Variants in SMIM13 observed in about 807,000 individuals in gnomAD.
SMIM13 encodes UPF0766 protein C6orf228.
In SMIM13, 3 loss-of-function variants were observed where a neutral mutation model predicts 5.9. The observed-to-expected ratio is 0.51, with a 90% CI of 0.23 to 1.31. The LOEUF (loss-of-function observed/expected upper bound fraction) is 1.31. Among genes scored for constraint, SMIM13 ranks in the 40% most tolerant of loss-of-function variants. The pLI is 0.18. For missense variants in SMIM13, 85 were observed against 109.9 expected (o/e 0.77, Z 1.01); for synonymous variants, 55 against 46.0 (o/e 1.19, Z -0.79).
rs1232182034 is a variant in SMIM13 at position 11,136,409 on chromosome 6, T to C, written c.*1807T>C. On this transcript the variant is annotated 3_prime_UTR_variant, in exon 2 of 2. Transcript: ENST00000416247. ...GCCAACTTACTTTATTAATCCAAGT[T>C]CTTTTTATGTTTTTCTTAACCTTTA... 1 of 152,212 alleles carries C rather than the reference T, an allele frequency of 6.6e-6. No homozygotes were observed. Among genetic ancestry groups the C allele is most frequent in the Non-Finnish European group, 1.5e-5 (1 of 68,028 alleles). The allele number at this position is 152,212 out of a possible 1,614,324, so 9.4% of individuals were successfully genotyped here.
At chr6:11,103,866 C>T (rs1490745425) in intron 1 of SMIM13, 1 of 1,551,514 alleles carries the variant, frequency 6.4e-7, no homozygotes, top group Non-Finnish European at 8.7e-7. Flanking sequence ...GGGAAGAACC[C>T]AAGAGAACCA....
intron 1 of SMIM13, chr6:11,104,589 T>C: frequency 6.2e-7 from 1 of 1,613,822 alleles, no homozygotes; most frequent in South Asian, 1.1e-5. Flanking sequence ...CTTGGTTTTA[T>C]TTTCCCAAAA....
intron 1 of SMIM13, among the ~76,000 whole-genome samples, chr6:11,130,975 TC>T (rs1758444783): frequency 6.6e-6 from 1 of 152,194 alleles, no homozygotes; most frequent in African/African-American, 2.4e-5. Flanking sequence ...ATCAAAACTA[TC>T]AGTTTTTAGA....
rs1758512239 is a variant in SMIM13, at chr6:11,135,912, G to T, written c.*1310G>T. The T allele has an allele frequency of 6.6e-6, 1 of 152,154 alleles. No homozygotes were observed. Among genetic ancestry groups the T allele is most frequent in the Non-Finnish European group, 1.5e-5 (1 of 68,030 alleles). The allele number at this position is 152,154 out of a possible 1,614,324, so 9.4% of individuals were successfully genotyped here. A position where few individuals can be genotyped will look rare whatever the true frequency, so the allele number is the denominator to read the frequency against. On this transcript the variant is annotated 3_prime_UTR_variant, in exon 2 of 2. Transcript: ENST00000416247. ...TAGTGTCTTAGGTTAAATTAAAAATGGTAGCTTGTAAATTTATTTTTCTTT... is the reference window on the plus strand; with the variant it reads ...TAGTGTCTTAGGTTAAATTAAAAATTGTAGCTTGTAAATTTATTTTTCTTT...
chr6:11,122,013 A>T (rs1419323418), intron 1 of SMIM13, among the ~76,000 whole-genome samples: 3 of 152,192 alleles, frequency 2.0e-5, no homozygotes, highest in Admixed American at 6.5e-5. Flanking sequence ...TGTTCTGTCT[A>T]TCCCCCATGG....
chr6:11,118,493 C>T (rs1383109796), intron 1 of SMIM13, among the ~76,000 whole-genome samples: 5 of 152,132 alleles, frequency 3.3e-5, no homozygotes, highest in African/African-American at 1.2e-4. Context: ...TACTTTAAGG[C>T]ATAGTGAACA....
chr6:11,114,322 T>C (rs115497751), intron 1 of SMIM13, among the ~76,000 whole-genome samples: 329 of 152,274 alleles, frequency 2.2e-3, no homozygotes, highest in African/African-American at 7.7e-3. Context: ...TTTTGCCTCA[T>C]TGCACTGGCT....
intron 1 of SMIM13, among the ~76,000 whole-genome samples, chr6:11,127,899 G>A (rs1038900263): frequency 2.0e-5 from 3 of 152,170 alleles, no homozygotes; most frequent in Admixed American, 6.5e-5. Flanking sequence ...TCAGGACTTA[G>A]TCTCTCCTTC....
At chr6:11,099,914 C>T (rs1053063882) in intron 1 of SMIM13, among the ~76,000 whole-genome samples, 3 of 152,122 alleles carry the variant, frequency 2.0e-5, no homozygotes, top group African/African-American at 4.8e-5. Flanking sequence ...TATTTTGACT[C>T]TGTAAACATT....
At chr6:11,122,576 T>C (rs545201741) in intron 1 of SMIM13, among the ~76,000 whole-genome samples, 104 of 151,934 alleles carry the variant, frequency 6.8e-4, no homozygotes, top group Admixed American at 1.8e-3. Context: ...GTGACCTTTT[T>C]GCAGTATGGA....
intron 1 of SMIM13, among the ~76,000 whole-genome samples, chr6:11,126,522 G>A (rs918945655): frequency 6.6e-6 from 1 of 152,164 alleles, no homozygotes; most frequent in African/African-American, 2.4e-5. Context: ...AAATTTATCT[G>A]ATAGGTTTCA....
intron 1 of SMIM13, among the ~76,000 whole-genome samples, chr6:11,126,382 G>A (rs1314890729): frequency 1.3e-5 from 2 of 152,118 alleles, no homozygotes; most frequent in East Asian, 3.9e-4. Context: ...TGTCTTCAAG[G>A]TCACTAATTT....
intron 1 of SMIM13, among the ~76,000 whole-genome samples, chr6:11,118,007 A>T (rs1399693385): frequency 1.3e-5 from 2 of 151,452 alleles, no homozygotes; most frequent in East Asian, 3.9e-4. Context: ...AAGTGCTGGG[A>T]TTACAGGTGC....
intron 1 of SMIM13, among the ~76,000 whole-genome samples, chr6:11,126,634 G>A (rs966845022): frequency 1.6e-4 from 25 of 152,292 alleles, no homozygotes; most frequent in African/African-American, 5.1e-4. Context: ...GATGCCTTAT[G>A]TAGTTCATTT....
chr6:11,101,790 A>G (rs1325386402), intron 1 of SMIM13, among the ~76,000 whole-genome samples: 1 of 146,776 alleles, frequency 6.8e-6, no homozygotes, highest in Non-Finnish European at 1.5e-5. Flanking sequence ...CCCAGACTGG[A>G]GTGGAGTGGC....
intron 1 of SMIM13, among the ~76,000 whole-genome samples, chr6:11,125,852 T>A (rs1758370582): frequency 6.6e-6 from 1 of 152,222 alleles, no homozygotes; most frequent in Admixed American, 6.5e-5. Context: ...TTTCTTGTAC[T>A]TGAGTATTGA....
chr6:11,117,695 G>T (rs371546911), intron 1 of SMIM13, among the ~76,000 whole-genome samples: 1 of 151,104 alleles, frequency 6.6e-6, no homozygotes, highest in Non-Finnish European at 1.5e-5. Context: ...TAAAATTTAG[G>T]AGGGTTTACT....
intron 1 of SMIM13, among the ~76,000 whole-genome samples, chr6:11,110,137 C>G (rs1243482078): frequency 6.6e-6 from 1 of 152,148 alleles, no homozygotes; most frequent in Non-Finnish European, 1.5e-5. Flanking sequence ...AATCCTGTGC[C>G]TATGGCAGAC....
At chr6:11,130,259 A>AC (rs1396345256) in intron 1 of SMIM13, among the ~76,000 whole-genome samples, 2 of 88,926 alleles carry the variant, frequency 2.2e-5, no homozygotes, top group East Asian at 1.2e-3. Context: ...ATTGTAAAAA[A>AC]AAAAAAAAAA....
Sources: gnomAD v4.1 joint callset for allele counts (sites outside exome capture counted in the v4.1 genomes callset) on GRCh38, gnomAD v4.1.1 for gene constraint, MANE v1.5 for transcripts, NCBI Gene and HGNC (gene_info 2026-07-23, HGNC 2026-07-21) for gene names.